Variants in GRID2 observed in about 807,000 individuals in gnomAD.
The protein encoded by GRID2 is glutamate receptor ionotropic, delta-2.
A neutral mutation model predicts 114.8 loss-of-function variants in GRID2; 33 were observed. The observed-to-expected ratio is 0.29, with a 90% CI of 0.22 to 0.38. The LOEUF (loss-of-function observed/expected upper bound fraction) is 0.38. Ranked by LOEUF, GRID2 falls within the 10% of genes least tolerant of loss-of-function variation. The pLI is 1.00. For missense variants in GRID2, 1,184 were observed against 1,257.7 expected, an observed-to-expected ratio of 0.94 and a Z score of 0.89; for synonymous variants, 505 against 449.9, an observed-to-expected ratio of 1.12 and a Z score of -1.55.
intron 2 of GRID2, among the ~76,000 whole-genome samples, chr4:92,762,438 T>C (rs944012407): frequency 8.1e-5 from 10 of 124,058 alleles, no homozygotes; most frequent in Non-Finnish European, 6.7e-5. Flanking sequence ...TTCAATTTCC[T>C]TGCTAAAATT....
chr4:92,527,439 G>C (rs1245965982), intron 1 of GRID2, among the ~76,000 whole-genome samples: 1 of 152,010 alleles, frequency 6.6e-6, no homozygotes, highest in Non-Finnish European at 1.5e-5. Context: ...TAACTCAAAA[G>C]GGTTTGGACA....
chr4:93,645,063 G>A (rs924500691), intron 14 of GRID2, among the ~76,000 whole-genome samples: 1 of 152,130 alleles, frequency 6.6e-6, no homozygotes, highest in East Asian at 1.9e-4. Context: ...TATTAGCTGA[G>A]TGAAAAAATT....
intron 1 of GRID2, among the ~76,000 whole-genome samples, chr4:92,315,993 CAAAAAA>C (rs778361565): frequency 1.8e-4 from 11 of 61,916 alleles, no homozygotes; most frequent in African/African-American, 5.5e-4. Context: ...AAACAAAAAG[CAAAAAA>C]AAAAAAAAAA....
intron 4 of GRID2, among the ~76,000 whole-genome samples, chr4:93,206,155 C>A (rs942681568): frequency 2.0e-5 from 3 of 151,932 alleles, no homozygotes; most frequent in African/African-American, 4.8e-5. Context: ...CATGTACTAT[C>A]TCTACACCTC....
At chr4:93,738,681 GAGA>G (rs1560960703) in intron 14 of GRID2, among the ~76,000 whole-genome samples, 2 of 152,088 alleles carry the variant, frequency 1.3e-5, no homozygotes, top group African/African-American at 2.4e-5. Context: ...TGCACACTTG[GAGA>G]AGGAGAGCAA....
chr4:93,342,677 G>A (rs190301348), intron 8 of GRID2, among the ~76,000 whole-genome samples: 1 of 152,244 alleles, frequency 6.6e-6, no homozygotes. Context: ...GTATTAAAAT[G>A]AATTTTATTT....
intron 13 of GRID2, among the ~76,000 whole-genome samples, chr4:93,532,439 A>C (rs1333596236): frequency 1.3e-5 from 2 of 152,190 alleles, no homozygotes; most frequent in African/African-American, 4.8e-5. Flanking sequence ...TCTGCTCAGC[A>C]GTATGTAAAT....
chr4:92,767,689 T>C (rs767324868), intron 2 of GRID2, among the ~76,000 whole-genome samples: 16 of 151,672 alleles, frequency 1.1e-4, no homozygotes, highest in Non-Finnish European at 1.9e-4. Flanking sequence ...AGGTGGAATT[T>C]GCAGTGAACC....
At chr4:92,453,248 A>G (rs1721037299) in intron 1 of GRID2, among the ~76,000 whole-genome samples, 1 of 152,030 alleles carries the variant, frequency 6.6e-6, no homozygotes, top group Non-Finnish European at 1.5e-5. Flanking sequence ...AAGGAAGGAG[A>G]GTTGGACTGA....
At chr4:93,635,307 G>C (rs1721313366) in intron 14 of GRID2, among the ~76,000 whole-genome samples, 1 of 150,836 alleles carries the variant, frequency 6.6e-6, no homozygotes. Context: ...TAAGAAAGGA[G>C]AACATTTGAA....
intron 8 of GRID2, among the ~76,000 whole-genome samples, chr4:93,332,324 G>GAGAA (rs1491057555): frequency 1.4e-5 from 2 of 144,654 alleles, no homozygotes; most frequent in Non-Finnish European, 3.0e-5. Flanking sequence ...GAGAGAGAGA[G>GAGAA]AACTGGGAAT....
Position 93,216,722 on chromosome 4 carries a change from A to T in GRID2, c.790-16A>T. The T allele has an allele frequency of 1.3e-6, 2 of 1,559,874 alleles. No homozygotes were observed. Among genetic ancestry groups the T allele is most frequent in the Non-Finnish European group, 8.8e-7 (1 of 1,133,936 alleles). On this transcript the variant is annotated splice_polypyrimidine_tract_variant and intron_variant, in intron 5 of 15. Transcript: ENST00000282020. ...GTATTAAAGTATCTCTAATTCTTCC[A>T]CCTCTTATCTTATAGGAAATAAACG...
intron 7 of GRID2, among the ~76,000 whole-genome samples, chr4:93,235,558 G>C (rs1328893565): frequency 6.6e-6 from 1 of 152,084 alleles, no homozygotes; most frequent in African/African-American, 2.4e-5. Flanking sequence ...TTAAGTCTGG[G>C]TGATATAACA....
intron 1 of GRID2, among the ~76,000 whole-genome samples, chr4:92,352,368 T>C (rs1437216316): frequency 3.3e-5 from 5 of 150,148 alleles, no homozygotes; most frequent in Admixed American, 6.7e-5. Context: ...ATTATTATTA[T>C]ATTTTTTGCT....
chr4:93,465,565 A>G (rs750708330), intron 11 of GRID2, among the ~76,000 whole-genome samples: 8 of 152,198 alleles, frequency 5.3e-5, no homozygotes, highest in African/African-American at 7.2e-5. Flanking sequence ...AGAAAATTAA[A>G]AGAACTCATG....
At chr4:92,445,337 C>T (rs1327330725) in intron 1 of GRID2, among the ~76,000 whole-genome samples, 2 of 152,194 alleles carry the variant, frequency 1.3e-5, no homozygotes, top group Non-Finnish European at 2.9e-5. Context: ...TCTTTGCCTT[C>T]ACCCTTCAAG....
intron 1 of GRID2, among the ~76,000 whole-genome samples, chr4:92,413,179 C>T (rs1731423411): frequency 6.6e-6 from 1 of 152,176 alleles, no homozygotes; most frequent in Non-Finnish European, 1.5e-5. Context: ...TTTCATCCCT[C>T]ATCCCCTCCC....
At chr4:93,537,695 A>G (rs564201068) in intron 13 of GRID2, among the ~76,000 whole-genome samples, 1 of 151,926 alleles carries the variant, frequency 6.6e-6, no homozygotes, top group Non-Finnish European at 1.5e-5. Flanking sequence ...CTTTCTGTCA[A>G]CATTACAACT....
intron 2 of GRID2, among the ~76,000 whole-genome samples, chr4:92,794,905 T>TATATATATATACACACACAC (rs745392261): frequency 3.1e-5 from 4 of 127,812 alleles, no homozygotes; most frequent in African/African-American, 9.3e-5. Flanking sequence ...TATATATATA[T>TATATATATATACACACACAC]ACACACACAC....
Sources: allele counts gnomAD v4.1 joint callset (sites outside exome capture counted in the v4.1 genomes callset), GRCh38; gene constraint gnomAD v4.1.1; transcripts MANE v1.5; gene names NCBI Gene and HGNC (gene_info 2026-07-23, HGNC 2026-07-21).